CNTLN: variants seen among roughly 807,000 people sequenced by gnomAD.
CNTLN encodes the protein centlein, centrosomal protein.
A neutral mutation model predicts 180.0 loss-of-function variants in CNTLN; 212 were observed. That is an observed-to-expected ratio of 1.18 (90% CI 1.05 to 1.32). The LOEUF (loss-of-function observed/expected upper bound fraction) is 1.32, where lower values mean the gene tolerates loss of function less well. CNTLN is among the 40% of genes most tolerant of loss of function. CNTLN has a pLI of 0.00. For synonymous variants in CNTLN, 722 were observed against 563.1 expected (o/e 1.28, Z -3.99); for missense variants, 2,095 against 1,610.9 (o/e 1.30, Z -5.14).
intron 22 of CNTLN, 59 bp downstream of exon 22, chr9:17,466,177 T>A: frequency 6.8e-7 from 1 of 1,463,722 alleles, no homozygotes; most frequent in Non-Finnish European, 9.4e-7. Context: ...GTTTGTTTCA[T>A]TTTTAACATT....
chr9:17,446,999 T>C (rs1486381618), intron 18 of CNTLN: 2 of 152,378 alleles, frequency 1.3e-5, no homozygotes, highest in Admixed American at 1.3e-4. Context: ...CCTCTTTTCA[T>C]GTGTATGTCT....
chr9:17,336,186 C>T (rs954110183), intron 10 of CNTLN, among the ~76,000 whole-genome samples: 6 of 151,984 alleles, frequency 3.9e-5, no homozygotes, highest in Non-Finnish European at 5.9e-5. Context: ...TATTATTTTG[C>T]CTTTGCTTAC....
At chr9:17,505,941 A>G (rs924588919), downstream of CNTLN, among the ~76,000 whole-genome samples, 19 of 152,146 alleles carry the variant, frequency 1.2e-4, no homozygotes, top group African/African-American at 4.3e-4. Context: ...AAATAAATCA[A>G]TGAAAAAGAA....
chr9:17,220,385 T>G (rs1325525715), intron 2 of CNTLN, among the ~76,000 whole-genome samples: 2 of 152,040 alleles, frequency 1.3e-5, no homozygotes, highest in Admixed American at 1.3e-4. Context: ...GAAGAGGGGA[T>G]TATAAAGACT....
At chr9:17,194,304 T>C (rs1821982128) in intron 2 of CNTLN, among the ~76,000 whole-genome samples, 1 of 152,202 alleles carries the variant, frequency 6.6e-6, no homozygotes. Flanking sequence ...AGGCTGCACA[T>C]TTTTCTAACT....
chr9:17,466,080 C>G lies in CNTLN; in HGVS notation c.3631C>G (p.Gln1211Glu). 6.2e-7 allele frequency: 1 copy of G among 1,603,576 alleles called. No homozygotes were observed. ...TGTAAAAGAAAAGTCACAGTATGAA[C>G]AGATGTATCAGAAATCTAAAGAGGA... ...VAVKEKSQYE[Q>E]MYQKSKEELE... The change falls in exon 22 of 26, where the codon CAG becomes GAG. Residue 1211 changes from glutamine (Q) to glutamate (E), a missense_variant. Transcript: ENST00000380647.
intron 8 of CNTLN, among the ~76,000 whole-genome samples, chr9:17,325,556 T>TACACACACACACACACACAC (rs142190202): frequency 6.8e-6 from 1 of 147,536 alleles, no homozygotes; most frequent in Non-Finnish European, 1.5e-5. Context: ...CAGATTTTAT[T>TACACACACACACACACACAC]ACACACACAC....
chr9:17,151,076 A>G (rs1181653306), intron 2 of CNTLN, among the ~76,000 whole-genome samples: 1 of 152,180 alleles, frequency 6.6e-6, no homozygotes, highest in Non-Finnish European at 1.5e-5. Context: ...TAAATGTACA[A>G]TCATGTCATC....
intron 5 of CNTLN, among the ~76,000 whole-genome samples, chr9:17,266,645 G>A (rs1316492484): frequency 6.6e-6 from 1 of 152,098 alleles, no homozygotes; most frequent in Non-Finnish European, 1.5e-5. Flanking sequence ...GGATGTTATA[G>A]TCTCCCATTA....
At chr9:17,524,439 G>C in the CNTLN span, among the ~76,000 whole-genome samples, 1 of 152,170 alleles carries the variant, frequency 6.6e-6, no homozygotes, top group African/African-American at 2.4e-5. Flanking sequence ...TCCATCAATT[G>C]AATAAGGCCT....
Position 17,296,483 on chromosome 9 carries a change from G to A in CNTLN, c.984-1707G>A, listed in dbSNP as rs1374026454. Among the ~76,000 whole-genome samples, 5 of 152,054 alleles carry A rather than the reference G, an allele frequency of 3.3e-5. No individual in the cohort carries two copies. In the East Asian group the frequency reaches 9.6e-4, roughly 29 times the overall value. On this transcript the variant is annotated intron_variant, in intron 6 of 25. Transcript: ENST00000380647. ...TTAACACTGTATTGAAAGATGATATGTTTTATCTTCATCATGTCTCTTTTC... is the reference window on the plus strand; with the variant it reads ...TTAACACTGTATTGAAAGATGATATATTTTATCTTCATCATGTCTCTTTTC...
chr9:17,292,574 C>T (rs1829485899), intron 6 of CNTLN, among the ~76,000 whole-genome samples: 1 of 151,982 alleles, frequency 6.6e-6, no homozygotes, highest in Admixed American at 6.6e-5. Flanking sequence ...GAAATTCTTT[C>T]CTCTGCTTGG....
intron 2 of CNTLN, among the ~76,000 whole-genome samples, chr9:17,183,907 T>A (rs1821274841): frequency 6.6e-6 from 1 of 152,108 alleles, no homozygotes; most frequent in African/African-American, 2.4e-5. Flanking sequence ...ATTCACCAGA[T>A]AAGAAATGTA....
Position 17,394,665 on chromosome 9 carries a change from G to T in CNTLN, c.2211G>T (p.Glu737Asp). The change falls in exon 15 of 26, where the codon GAG becomes GAT. Residue 737 changes from glutamate to aspartate, a missense_variant. By Grantham distance (45) the Glu-to-Asp change is conservative. Transcript: ENST00000380647. Reference protein sequence around the residue: ...SLLKQQQEDTETREKELEQII... With the variant: ...SLLKQQQEDTDTREKELEQII... ...TAAAACAGCAACAAGAAGATACAGAGACCAGAGAAAAAGAGCTAGAACAGA... is the reference window on the plus strand; with the variant it reads ...TAAAACAGCAACAAGAAGATACAGATACCAGAGAAAAAGAGCTAGAACAGA... 6.2e-7 allele frequency: 1 copy of T among 1,612,796 alleles called. No individual in the cohort carries two copies. Among genetic ancestry groups the T allele is most frequent in the South Asian group, 1.1e-5 (1 of 90,786 alleles).
chr9:17,214,563 G>C (rs1200939626), intron 2 of CNTLN, among the ~76,000 whole-genome samples: 1 of 152,148 alleles, frequency 6.6e-6, no homozygotes, highest in Non-Finnish European at 1.5e-5. Context: ...GAGTATCTTT[G>C]TGGCGTTCTC....
At chr9:17,351,015 G>A (rs140930656) in intron 12 of CNTLN, among the ~76,000 whole-genome samples, 66 of 152,280 alleles carry the variant, frequency 4.3e-4, no homozygotes, top group African/African-American at 1.5e-3. Context: ...AAAAATCTAG[G>A]TAAATTGTTA....
chr9:17,314,737 A>T (rs1302867354), intron 8 of CNTLN, among the ~76,000 whole-genome samples: 2 of 152,202 alleles, frequency 1.3e-5, no homozygotes, highest in Non-Finnish European at 2.9e-5. Context: ...ATCAGTTCTT[A>T]TCTAGATTCT....
At chr9:17,136,089 TC>T (rs1817696241) in intron 1 of CNTLN, among the ~76,000 whole-genome samples, 1 of 152,186 alleles carries the variant, frequency 6.6e-6, no homozygotes, top group Admixed American at 6.5e-5. Context: ...AAAATTACTT[TC>T]CTGTTTGTAG....
intron 12 of CNTLN, among the ~76,000 whole-genome samples, chr9:17,354,325 A>C (rs1822635752): frequency 6.6e-6 from 1 of 152,194 alleles, no homozygotes. Context: ...GTGCAGGCGC[A>C]CGGCACCGGG....
Sources: allele counts gnomAD v4.1 joint callset (sites outside exome capture counted in the v4.1 genomes callset), GRCh38; gene constraint gnomAD v4.1.1; transcripts MANE v1.5; gene names NCBI Gene and HGNC (gene_info 2026-07-23, HGNC 2026-07-21).